Variants in CCDC13 observed in about 807,000 individuals in gnomAD.
CCDC13 encodes coiled-coil domain-containing protein 13.
Under a neutral mutation model 87.3 loss-of-function variants are expected in CCDC13, and 70 were observed. The ratio of observed to expected loss-of-function variants is 0.80; its 90% CI spans 0.66 to 0.98. The LOEUF (loss-of-function observed/expected upper bound fraction) is 0.98, where lower values mean the gene tolerates loss of function less well. Among genes scored for constraint, CCDC13 ranks in the 50% least tolerant of loss-of-function variants. The pLI is 0.00. For synonymous variants in CCDC13, 317 were observed against 360.3 expected (o/e 0.88, Z 1.36); for missense variants, 842 against 892.0 (o/e 0.94, Z 0.71).
At chr3:42,721,143 G>T (rs939557973) in intron 13 of CCDC13, among the ~76,000 whole-genome samples, 3 of 152,172 alleles carry the variant, frequency 2.0e-5, no homozygotes, top group African/African-American at 7.2e-5. Context: ...CTATAATTCT[G>T]ATATGACTTA....
intron 1 of CCDC13, among the ~76,000 whole-genome samples, chr3:42,762,331 C>A (rs1413073571): frequency 6.6e-6 from 1 of 152,248 alleles, no homozygotes; most frequent in African/African-American, 2.4e-5. Context: ...ACATGTTTGG[C>A]CTTTGACCCG....
In CCDC13 at chr3:42,733,638, C is replaced by T. The variant is rs200867372; in HGVS notation, c.1372-29G>A. On this transcript the variant is annotated intron_variant, in intron 10 of 15. Coordinates refer to ENST00000310232, the MANE Select transcript of CCDC13 (RefSeq NM_144719.4). Reference sequence around the variant, plus strand: ...TAGGAACAGATGTGGGTTCCATCCTCAGGGCTTTGGCTCAGAGGCCTAGAG... The same window carrying T: ...TAGGAACAGATGTGGGTTCCATCCTTAGGGCTTTGGCTCAGAGGCCTAGAG... 10 of 1,572,254 alleles carry T rather than the reference C, an allele frequency of 6.4e-6. No homozygotes were observed. The Admixed American group carries it at 1.7e-4, about 27-fold the overall frequency.
At chr3:42,749,975 T>G (rs778431498) in intron 5 of CCDC13, 43 of 456,194 alleles carry the variant, frequency 9.4e-5, no homozygotes, top group African/African-American at 3.8e-4. Flanking sequence ...GGGGAAACAT[T>G]GCTTTTGCTC....
Position 42,705,785 on chromosome 3 carries a change from G to A in CCDC13, c.*3195C>T, listed in dbSNP as rs1698163761. On this transcript the variant is annotated 3_prime_UTR_variant, in exon 16 of 16. Coordinates refer to ENST00000310232, the MANE Select transcript of CCDC13 (RefSeq NM_144719.4). ...AGACCAGCTGCCTGGCTGTGCACCT[G>A]GCCCACCTAAGTTAGGTTTCTCAGG... Among the ~76,000 whole-genome samples the A allele has an allele frequency of 6.6e-6, 1 of 152,142 alleles. No homozygotes were observed. The highest frequency in any genetic ancestry group is 2.4e-5 in the African/African-American group (1 of 41,430).
intron 7 of CCDC13, among the ~76,000 whole-genome samples, chr3:42,743,964 G>T (rs1347462263): frequency 6.6e-6 from 1 of 152,098 alleles, no homozygotes; most frequent in Non-Finnish European, 1.5e-5. Flanking sequence ...CTGTAAGATG[G>T]GCCTAAGAGT....
intron 13 of CCDC13, among the ~76,000 whole-genome samples, chr3:42,714,425 G>A (rs923572137): frequency 1.3e-5 from 2 of 152,122 alleles, no homozygotes; most frequent in African/African-American, 2.4e-5. Flanking sequence ...TTAATTGTTC[G>A]CTTTTCTTGG....
chr3:42,735,982 A>T (rs1699002173), intron 9 of CCDC13, 69 bp from the exon 10 acceptor site: 2 of 1,448,588 alleles, frequency 1.4e-6, no homozygotes, highest in South Asian at 1.2e-5. Flanking sequence ...ACAAGAACAG[A>T]CTGCCTCCCT....
At chr3:42,751,494 C>T (rs62246607) in intron 5 of CCDC13, among the ~76,000 whole-genome samples, 24,890 of 152,212 alleles carry the variant, frequency 0.16, 2,150 homozygotes, top group South Asian at 0.25. Flanking sequence ...CCATAAAGAA[C>T]AGGATTCCAC....
chr3:42,719,834 G>A (rs1424728069), intron 13 of CCDC13, among the ~76,000 whole-genome samples: 3 of 152,290 alleles, frequency 2.0e-5, no homozygotes, highest in East Asian at 3.9e-4. Flanking sequence ...TATTATGTGT[G>A]TGATGTTTAT....
intron 7 of CCDC13, among the ~76,000 whole-genome samples, chr3:42,743,886 G>C (rs544906646): frequency 2.6e-5 from 4 of 152,184 alleles, no homozygotes; most frequent in African/African-American, 9.6e-5. Context: ...TTTGGAAACA[G>C]ACTGCCTCAA....
At chr3:42,756,878 G>A (rs1211566441) in intron 3 of CCDC13, among the ~76,000 whole-genome samples, 188 bp downstream of exon 3, 1 of 151,972 alleles carries the variant, frequency 6.6e-6, no homozygotes, top group Admixed American at 6.6e-5. Context: ...ATTTTCTGGT[G>A]GGCTGGCCTC....
rs751129980 is a variant in CCDC13 at position 42,752,691 on chromosome 3, C to T, written c.397G>A (p.Val133Ile). Residue 133 changes from valine (V) to isoleucine (I), a missense_variant, in exon 4 of 16, where the codon GTC becomes ATC. Transcript: ENST00000310232. The stretch of plus-strand genomic sequence containing the variant: ...GATAGCTCCACAATTTTGGTGGCGA[C>T]CACGTCTCCGGCTACACCGGCTGTC... The part of the protein sequence containing the change: ...TGTAGVAGDV[V>I]ATKIVELSKK... 4 of 1,614,058 alleles carry T rather than the reference C, an allele frequency of 2.5e-6. No homozygotes were observed. The highest frequency in any genetic ancestry group is 1.1e-5 in the South Asian group (1 of 91,068).
intron 13 of CCDC13, among the ~76,000 whole-genome samples, chr3:42,715,534 C>T (rs992848336): frequency 3.3e-5 from 5 of 152,050 alleles, no homozygotes; most frequent in African/African-American, 1.2e-4. Context: ...ACCACTTGAG[C>T]CTGGGAGGCA....
At chr3:42,709,654 C>T (rs1268849384) in intron 15 of CCDC13, 30 bp downstream of exon 15, 1 of 1,573,366 alleles carries the variant, frequency 6.4e-7, no homozygotes, top group African/African-American at 1.3e-5. Context: ...GACAACCCTA[C>T]CCTTTCAGGA....
At chr3:42,714,448 T>C (rs146959908) in intron 13 of CCDC13, among the ~76,000 whole-genome samples, 1 of 152,212 alleles carries the variant, frequency 6.6e-6, no homozygotes, top group Admixed American at 6.5e-5. Context: ...TTAGTGATTA[T>C]CTTAAGCTTA....
At chr3:42,716,462 AT>A (rs1698432031) in intron 13 of CCDC13, among the ~76,000 whole-genome samples, 1 of 152,222 alleles carries the variant, frequency 6.6e-6, no homozygotes, top group African/African-American at 2.4e-5. Flanking sequence ...ACAATAAAAA[AT>A]TTCCAAAAAA....
At chr3:42,757,739 G>C (rs1347107304) in intron 2 of CCDC13, among the ~76,000 whole-genome samples, 1 of 152,002 alleles carries the variant, frequency 6.6e-6, no homozygotes, top group Non-Finnish European at 1.5e-5. Context: ...AGGTTATAAA[G>C]GGAATCTTAG....
chr3:42,747,068 C>T (rs1203692130), intron 6 of CCDC13, 189 bp downstream of exon 6: 2 of 708,574 alleles, frequency 2.8e-6, no homozygotes, highest in Non-Finnish European at 5.1e-6. Context: ...AGCGACTCTG[C>T]CCACCAAATG....
At chr3:42,761,040 T>C (rs896421344) in intron 1 of CCDC13, among the ~76,000 whole-genome samples, 7 of 152,310 alleles carry the variant, frequency 4.6e-5, no homozygotes, top group African/African-American at 1.4e-4. Flanking sequence ...CTTTGTCTGT[T>C]TGAACTTCAC....
Sources: allele counts gnomAD v4.1 joint callset (sites outside exome capture counted in the v4.1 genomes callset), GRCh38; gene constraint gnomAD v4.1.1; transcripts MANE v1.5; gene names NCBI Gene and HGNC (gene_info 2026-07-23, HGNC 2026-07-21).